The following WWOX variants were observed in gnomAD, a reference collection of about 807,000 sequenced individuals.
WWOX encodes WW domain containing oxidoreductase, also known as WW domain-containing oxidoreductase.
Under a neutral mutation model 46.2 loss-of-function variants are expected in WWOX, and 69 were observed. That is an observed-to-expected ratio of 1.49 (90% CI 1.23 to 1.82). The LOEUF is 1.82. Ranked by LOEUF, WWOX falls within the 40% of genes most tolerant of loss-of-function variation. The probability of loss-of-function intolerance (pLI) is 0.00; values close to 1 mark genes in which losing one functional copy is unlikely to be tolerated. For synonymous variants in WWOX, 359 were observed against 202.6 expected, an observed-to-expected ratio of 1.77 and a Z score of -6.56; for missense variants, 919 against 542.6, an observed-to-expected ratio of 1.69 and a Z score of -6.89.
Position 78,686,559 on chromosome 16 carries a change from C to T in WWOX, c.1056+253807C>T, listed in dbSNP as rs1392233631. 2.6e-5 allele frequency among the ~76,000 whole-genome samples: 4 copies of T among 152,116 alleles called. No homozygotes were observed. The East Asian group carries it at 7.7e-4, about 29-fold the overall frequency. On this transcript the variant is annotated intron_variant, in intron 8 of 8. Transcript: ENST00000566780. ...GAAATGCATATTTTCTGTTTTCACCCCAGAAATCCTGAATAAGAAACACTA... is the reference window on the plus strand; with the variant it reads ...GAAATGCATATTTTCTGTTTTCACCTCAGAAATCCTGAATAAGAAACACTA...
intron 8 of WWOX, among the ~76,000 whole-genome samples, chr16:78,642,900 C>G (rs998368146): frequency 1.3e-5 from 2 of 152,142 alleles, no homozygotes; most frequent in African/African-American, 4.8e-5. Context: ...TGGCACTCAT[C>G]CTACTTGGTG....
intron 8 of WWOX, among the ~76,000 whole-genome samples, chr16:78,967,970 G>C (rs2046393630): frequency 6.6e-6 from 1 of 152,270 alleles, no homozygotes. Flanking sequence ...TTCTCATTTA[G>C]CCCATACCCC....
At chr16:78,817,343 G>C (rs60700844) in intron 8 of WWOX, among the ~76,000 whole-genome samples, 15 of 152,034 alleles carry the variant, frequency 9.9e-5, no homozygotes. Context: ...AATTTTAGAA[G>C]AAACCAGAAG....
chr16:78,870,431 C>A (rs1337073608), intron 8 of WWOX, among the ~76,000 whole-genome samples: 5 of 152,076 alleles, frequency 3.3e-5, no homozygotes, highest in Non-Finnish European at 5.9e-5. Flanking sequence ...GAATGACCTG[C>A]CATCATGGGG....
chr16:78,241,639 C>T (rs537952048), intron 5 of WWOX, among the ~76,000 whole-genome samples: 1 of 152,234 alleles, frequency 6.6e-6, no homozygotes, highest in South Asian at 2.1e-4. Flanking sequence ...GGGGTTTCAG[C>T]ATGTTGTCCA....
At chr16:79,117,287 G>C (rs1181909062) in intron 8 of WWOX, among the ~76,000 whole-genome samples, 1 of 152,078 alleles carries the variant, frequency 6.6e-6, no homozygotes, top group African/African-American at 2.4e-5. Flanking sequence ...ACAATTACAG[G>C]TGTGAGCCAC....
chr16:78,488,985 A>G (rs528222610), intron 8 of WWOX, among the ~76,000 whole-genome samples: 1 of 152,328 alleles, frequency 6.6e-6, no homozygotes, highest in Admixed American at 6.5e-5. Context: ...TGTAGAACAC[A>G]GAACTTCGCA....
chr16:78,544,188 C>A (rs1399571245), intron 8 of WWOX, among the ~76,000 whole-genome samples: 1 of 152,126 alleles, frequency 6.6e-6, no homozygotes, highest in African/African-American at 2.4e-5. Context: ...GTTTTGAGAG[C>A]AAATATTTTG....
intron 8 of WWOX, among the ~76,000 whole-genome samples, chr16:79,138,766 G>A (rs943797950): frequency 6.6e-6 from 1 of 152,206 alleles, no homozygotes; most frequent in Non-Finnish European, 1.5e-5. Context: ...GGGTGAGACT[G>A]ACATCTCATT....
intron 8 of WWOX, among the ~76,000 whole-genome samples, chr16:78,521,656 T>G (rs753641055): frequency 6.6e-6 from 1 of 152,238 alleles, no homozygotes; most frequent in Admixed American, 6.5e-5. Context: ...CAATATTGGT[T>G]CCCAGTCTAG....
intron 8 of WWOX, among the ~76,000 whole-genome samples, chr16:78,456,743 G>A (rs927798580): frequency 6.6e-6 from 1 of 152,214 alleles, no homozygotes; most frequent in African/African-American, 2.4e-5. Context: ...ACATGTCTCA[G>A]TTTCATAATA....
At chr16:78,741,940 G>A (rs962753676) in intron 8 of WWOX, among the ~76,000 whole-genome samples, 1 of 152,082 alleles carries the variant, frequency 6.6e-6, no homozygotes, top group Non-Finnish European at 1.5e-5. Flanking sequence ...TTAGCAAAAG[G>A]ATGTTCCACA....
chr16:79,052,121 G>C (rs988770896), intron 8 of WWOX, among the ~76,000 whole-genome samples: 2 of 151,032 alleles, frequency 1.3e-5, no homozygotes, highest in Non-Finnish European at 2.9e-5. Context: ...CATGTGCCAT[G>C]CTGGTGCGCT....
chr16:78,814,553 C>T (rs944742698), intron 8 of WWOX, among the ~76,000 whole-genome samples: 3 of 151,952 alleles, frequency 2.0e-5, no homozygotes, highest in Non-Finnish European at 4.4e-5. Context: ...GCAGTGATGG[C>T]GTGGATAAAG....
chr16:78,817,712 C>A (rs561857121), intron 8 of WWOX, among the ~76,000 whole-genome samples: 53 of 152,248 alleles, frequency 3.5e-4, no homozygotes, highest in African/African-American at 1.3e-3. Flanking sequence ...GCTTGGCTTC[C>A]TCCTAAAATT....
chr16:78,550,171 C>A (rs543584361), intron 8 of WWOX, among the ~76,000 whole-genome samples: 1 of 152,300 alleles, frequency 6.6e-6, no homozygotes, highest in South Asian at 2.1e-4. Flanking sequence ...TAATTCCTTA[C>A]TATTGTCATT....
At chr16:78,602,820 C>T (rs975048369) in intron 8 of WWOX, among the ~76,000 whole-genome samples, 1 of 152,182 alleles carries the variant, frequency 6.6e-6, no homozygotes, top group Non-Finnish European at 1.5e-5. Context: ...TGCTATCATT[C>T]TCTCCATTTT....
chr16:78,325,104 G>A (rs1293823014), intron 5 of WWOX, among the ~76,000 whole-genome samples: 1 of 152,182 alleles, frequency 6.6e-6, no homozygotes, highest in Non-Finnish European at 1.5e-5. Flanking sequence ...GCCTGGGAGT[G>A]TTGGTCCCGT....
chr16:78,627,164 C>T (rs1178002539), intron 8 of WWOX, among the ~76,000 whole-genome samples: 1 of 151,996 alleles, frequency 6.6e-6, no homozygotes, highest in East Asian at 1.9e-4. Context: ...TGGGTGAGTT[C>T]TCCCACTTTA....
Sources: allele counts gnomAD v4.1 joint callset (sites outside exome capture counted in the v4.1 genomes callset), GRCh38; gene constraint gnomAD v4.1.1; transcripts MANE v1.5; gene names NCBI Gene and HGNC (gene_info 2026-07-23, HGNC 2026-07-21).